Variants in FIGNL2 observed in about 807,000 individuals in gnomAD.
The protein encoded by FIGNL2 is fidgetin like 2, also known as fidgetin-like protein 2.
For synonymous variants in FIGNL2, 565 were observed against 484.0 expected (o/e 1.17, Z -2.20); for missense variants, 1,060 against 950.2 (o/e 1.12, Z -1.52).
At position 51,822,158 on chromosome 12, in the gene FIGNL2, C is replaced by T. The variant is rs1939230014; in HGVS notation, c.256G>A (p.Ala86Thr). ...ERPALGGYSD[A>T]SFLNGAKGDP... is the part of the protein sequence containing the mutation. ...CCTTTGGCGCCGTTGAGGAAGGAGG[C>T]GTCGCTGTACCCGCCCAGGGCCGGA... is the stretch of plus-strand genomic sequence containing the variant. The change falls in exon 2 of 2, where the codon GCC (alanine) becomes ACC (threonine). Residue 86 changes from alanine to threonine, a missense_variant. Transcript: ENST00000618634. The T allele has an allele frequency of 1.9e-6, 3 of 1,611,358 alleles. No homozygotes were observed. The highest frequency in any genetic ancestry group is 1.7e-4 in the Middle Eastern group (1 of 6,056).
Position 51,821,237 on chromosome 12 carries a change from C to G in FIGNL2, c.1177G>C (p.Asp393His). Residue 393 changes from aspartate (D) to histidine (H), a missense_variant, in exon 2 of 2, where the codon GAT (aspartate) becomes CAT (histidine). Physicochemically the swap from Asp to His is moderately conservative, Grantham distance 81. Transcript: ENST00000618634. ...VDCGPPVQWADVAGQGALKAA... is the reference protein window; with the variant it reads ...VDCGPPVQWAHVAGQGALKAA... ...TTGAGCGCGCCCTGGCCCGCCACAT[C>G]CGCCCACTGCACCGGGGGCCCGCAG... The G allele has an allele frequency of 6.6e-7, 1 of 1,525,326 alleles. No homozygotes were observed. The highest frequency in any genetic ancestry group is 8.8e-7 in the Non-Finnish European group (1 of 1,142,372). 94.5% of individuals were successfully genotyped at this position (1,525,326 alleles called of 1,614,324 possible). A position where few individuals can be genotyped will look rare whatever the true frequency, so the allele number is the denominator to read the frequency against.
At chr12:51,841,864 T>A (rs563700825) in intron 1 of FIGNL2, 18 of 152,274 alleles carry the variant, frequency 1.2e-4, no homozygotes, top group Admixed American at 9.8e-4. Context: ...GCACAGCCCC[T>A]CCTCCCCTTT....
At chr12:51,823,674 A>G (rs925822506) in intron 1 of FIGNL2, 1 of 152,240 alleles carries the variant, frequency 6.6e-6, no homozygotes, top group Non-Finnish European at 1.5e-5. Flanking sequence ...TGGCACACCC[A>G]GCAACAGTCG....
In FIGNL2 at chr12:51,822,066, T is replaced by C. The variant is rs777704253; in HGVS notation, c.348A>G (p.Pro116=). 6.2e-7 allele frequency: 1 copy of C among 1,610,840 alleles called. No individual in the cohort carries two copies. The highest frequency in any genetic ancestry group is 8.5e-7 in the Non-Finnish European group (1 of 1,178,736). The change falls in exon 2 of 2, where the codon CCA becomes CCG. Residue 116 remains proline (P), a synonymous_variant. Coordinates refer to ENST00000618634, the MANE Select transcript of FIGNL2 (RefSeq NM_001384995.1). The stretch of plus-strand genomic sequence containing the variant: ...CGCCGCCACCGCCCGATTTGGTTCC[T>C]GGGAGGCCTTCGTGGAGTGAGGCCA... The part of the protein sequence containing the change: ...YPLASLHEGL[P]GTKSGGGGGS...
chr12:51,837,357 T>C (rs1301664087), intron 1 of FIGNL2, among the ~76,000 whole-genome samples: 2 of 152,252 alleles, frequency 1.3e-5, no homozygotes, highest in African/African-American at 2.4e-5. Flanking sequence ...TCCCAATGTT[T>C]TCCCTACAGC....
At chr12:51,842,629 C>T (rs1267471433) in intron 1 of FIGNL2, among the ~76,000 whole-genome samples, 1 of 152,142 alleles carries the variant, frequency 6.6e-6, no homozygotes, top group East Asian at 1.9e-4. Flanking sequence ...CCTTGTCTCA[C>T]TTTGCTTCTA....
chr12:51,822,278 A>C lies in FIGNL2; in HGVS notation c.136T>G (p.Trp46Gly). 2 of 1,611,862 alleles carry C rather than the reference A, an allele frequency of 1.2e-6. No homozygotes were observed. Among genetic ancestry groups the C allele is most frequent in the Non-Finnish European group, 1.7e-6 (2 of 1,179,058 alleles). The change falls in exon 2 of 2, where the codon TGG becomes GGG. Residue 46 changes from tryptophan (W) to glycine (G), a missense_variant. Transcript: ENST00000618634. ...PGGRQRCHYA[W>G]AHDDISALTA... ...AGGGCTGAGATGTCGTCGTGTGCCC[A>C]AGCGTAGTGGCAGCGTTGGCGACCC...
Position 51,820,471 on chromosome 12 carries a change from AT to A in FIGNL2, c.1942del (p.Met648CysfsTer42). The part of the protein sequence containing the change: ...ELDSFVEWDK[M>X]YGSGH ...GCGCCGTCAGTGTCCGGAGCCGTAC[AT>A]TTTGTCCCACTCCACGAACGAGTCC... On this transcript the variant is annotated frameshift_variant, in exon 2 of 2. Coordinates refer to ENST00000618634, the MANE Select transcript of FIGNL2 (RefSeq NM_001384995.1). LOFTEE classifies it high-confidence loss of function. 6.3e-7 allele frequency: 1 copy of A among 1,590,720 alleles called. No individual in the cohort carries two copies.
chr12:51,845,775 T>C (rs112835366), intron 1 of FIGNL2: 2 of 149,732 alleles, frequency 1.3e-5, no homozygotes, highest in Non-Finnish European at 1.6e-5. Flanking sequence ...AGTCGGAGCT[T>C]GGGGGGAGAG....
intron 1 of FIGNL2, among the ~76,000 whole-genome samples, chr12:51,822,813 T>C (rs1171583585): frequency 6.6e-6 from 1 of 152,176 alleles, no homozygotes; most frequent in Non-Finnish European, 1.5e-5. Context: ...ATAGTCAAAC[T>C]CAAGTGAAGC....
chr12:51,843,094 C>A lies in FIGNL2; in HGVS notation c.-12+5446G>T, dbSNP rs567997360. Reference sequence around the variant, plus strand: ...GCTAAGGAAGCCAAAGCATAAAAGCCCCAGCTCAGAGCCTGGTCCATAGGT... The same window carrying A: ...GCTAAGGAAGCCAAAGCATAAAAGCACCAGCTCAGAGCCTGGTCCATAGGT... On this transcript the variant is annotated intron_variant, in intron 1 of 1. Transcript: ENST00000618634. Among the ~76,000 whole-genome samples the A allele has an allele frequency of 2.8e-4, 42 of 152,314 alleles. No homozygotes were observed. In the South Asian group the frequency reaches 6.2e-3, roughly 23 times the overall value.
At chr12:51,844,592 C>A in intron 1 of FIGNL2, 1 of 676,196 alleles carries the variant, frequency 1.5e-6, no homozygotes, top group Non-Finnish European at 1.8e-6. Context: ...GGACACCATT[C>A]TTCACTCTAT....
chr12:51,841,511 C>T (rs1027824342), intron 1 of FIGNL2: 3 of 152,224 alleles, frequency 2.0e-5, no homozygotes, highest in Non-Finnish European at 4.4e-5. Flanking sequence ...GTGTTCCCAT[C>T]GAACAGCTGA....
At chr12:51,834,097 GTGGA>G (rs748807759) in intron 1 of FIGNL2, among the ~76,000 whole-genome samples, 31 of 87,956 alleles carry the variant, frequency 3.5e-4, no homozygotes, top group African/African-American at 8.2e-4. Context: ...AGACGGATGG[GTGGA>G]TGGATGGTTG....
In FIGNL2 at chr12:51,820,837, GC is replaced by G. The variant is rs1330579577; in HGVS notation, c.1576del (p.Ala526LeufsTer164). The G allele has an allele frequency of 1.4e-6, 2 of 1,459,528 alleles. No homozygotes were observed. The highest frequency in any genetic ancestry group is 2.6e-5 in the Admixed American group (1 of 39,150). The allele number at this position is 1,459,528 out of a possible 1,614,324, so 90.4% of individuals were successfully genotyped here. A position where few individuals can be genotyped will look rare whatever the true frequency, so the allele number is the denominator to read the frequency against. On this transcript the variant is annotated frameshift_variant, in exon 2 of 2. Coordinates refer to ENST00000618634, the MANE Select transcript of FIGNL2 (RefSeq NM_001384995.1). LOFTEE classifies it low-confidence loss of function (END_TRUNC). ...GGTGCCCACAACCAGCACGCCGTCA[GC>G]CCCCGCGCCGCAGCCCCCGTCCAGG... ...ACLDGGCGAG[A>X]DGVLVVGTTS...
In FIGNL2 at chr12:51,848,611, G is replaced by GTC; in HGVS notation, c.-84_-83insGA. On this transcript the variant is annotated 5_prime_UTR_variant, in exon 1 of 2. An upstream open reading frame in the 5' UTR loses its in-frame stop. Coordinates refer to ENST00000618634, the MANE Select transcript of FIGNL2 (RefSeq NM_001384995.1). ...CGCGTCCGGCCCGGGGACCGGGGCGGCGGCGCGGGCCGGGGGCGACAGGCC... is the reference window on the plus strand; with the variant it reads ...CGCGTCCGGCCCGGGGACCGGGGCGGTCCGGCGCGGGCCGGGGGCGACAGGCC... 1 of 886,018 alleles carries GTC rather than the reference G, an allele frequency of 1.1e-6. No homozygotes were observed. Among genetic ancestry groups the GTC allele is most frequent in the Non-Finnish European group, 1.4e-6 (1 of 739,652 alleles). 54.9% of individuals were successfully genotyped at this position (886,018 alleles called of 1,614,324 possible).
At chr12:51,822,510 A>T in intron 1 of FIGNL2, 86 bp from the exon 2 acceptor site, 1 of 1,515,196 alleles carries the variant, frequency 6.6e-7, no homozygotes, top group Non-Finnish European at 9.0e-7. Context: ...GTCCGCCTAG[A>T]CTGCGGCTTG....
In FIGNL2 at chr12:51,822,384, G is replaced by A. The variant is rs766282254; in HGVS notation, c.30C>T (p.Pro10=). 3.7e-6 allele frequency: 6 copies of A among 1,613,628 alleles called. No homozygotes were observed. Among genetic ancestry groups the A allele is most frequent in the Non-Finnish European group, 5.1e-6 (6 of 1,179,832 alleles). The change falls in exon 2 of 2, where the codon CCC becomes CCT. Residue 10 remains proline (P), a synonymous_variant. Transcript: ENST00000618634. MHWTPEHAQ[P]LNQWPEQHLD... ...GGTGCTGCTCTGGCCACTGGTTGAG[G>A]GGCTGGGCGTGTTCTGGTGTCCAGT...
chr12:51,820,091 GAGA>G lies in FIGNL2; in HGVS notation c.*358_*360del, dbSNP rs931070984. On this transcript the variant is annotated 3_prime_UTR_variant, in exon 2 of 2. Transcript: ENST00000618634. ...AGAGAATGGGATGGAGAGAGTGAGG[GAGA>G]AGGAGGGTGCCATTCAGATAGCGAG... 1.8e-5 allele frequency: 5 copies of G among 283,818 alleles called. No homozygotes were observed. The highest frequency in any genetic ancestry group is 3.3e-5 in the Non-Finnish European group (5 of 150,178). The allele number at this position is 283,818 out of a possible 1,614,324, so 17.6% of individuals were successfully genotyped here. A position where few individuals can be genotyped will look rare whatever the true frequency, so the allele number is the denominator to read the frequency against.
Sources: allele counts gnomAD v4.1 joint callset (sites outside exome capture counted in the v4.1 genomes callset), GRCh38; gene constraint gnomAD v4.1.1; transcripts MANE v1.5; gene names NCBI Gene and HGNC (gene_info 2026-07-23, HGNC 2026-07-21).